The following SMKR1 variants were observed in gnomAD, a reference collection of about 807,000 sequenced individuals.
The protein encoded by SMKR1 is small lysine rich protein 1, also known as small lysine-rich protein 1.
A neutral mutation model predicts 4.0 loss-of-function variants in SMKR1; 4 were observed. The observed-to-expected ratio is 1.00, with a 90% CI of 0.49 to 2.30. SMKR1 has a LOEUF of 2.30. Ranked by LOEUF, SMKR1 falls within the 30% of genes most tolerant of loss-of-function variation. SMKR1 has a pLI of 0.02. For missense variants in SMKR1, 56 were observed against 81.8 expected, an observed-to-expected ratio of 0.68 and a Z score of 1.22; for synonymous variants, 38 against 32.5, an observed-to-expected ratio of 1.17 and a Z score of -0.58.
chr7:129,502,965 C>T, intron 1 of SMKR1, 138 bp downstream of exon 1: 1 of 1,274,360 alleles, frequency 7.8e-7, no homozygotes, highest in Non-Finnish European at 1.1e-6. Context: ...GATGGAGGGA[C>T]AAGGGGTGCC....
chr7:129,512,248 C>A lies in SMKR1; in HGVS notation c.5C>A (p.Pro2Gln). 1 of 1,501,908 alleles carries A rather than the reference C, an allele frequency of 6.7e-7. No individual in the cohort carries two copies. The highest frequency in any genetic ancestry group is 1.3e-5 in the South Asian group (1 of 78,094). The allele number at this position is 1,501,908 out of a possible 1,614,324, so 93.0% of individuals were successfully genotyped here. The change falls in exon 2 of 2, where the codon CCA becomes CAA. Residue 2 changes from proline (P) to glutamine (Q), a missense_variant and splice_region_variant. Transcript: ENST00000462322. MPAKGKKGKGQG... is the reference protein window; with the variant it reads MQAKGKKGKGQG... ...CATATTTATATTTGTCTTTGAAAGC[C>A]AGCTAAAGGGAAAAAAGGAAAAGGC...
At chr7:129,505,463 CTTTCTT>C (rs1031515505) in intron 1 of SMKR1, among the ~76,000 whole-genome samples, 4 of 151,234 alleles carry the variant, frequency 2.6e-5, no homozygotes, top group Non-Finnish European at 5.9e-5. Context: ...TCAGGGAGGT[CTTTCTT>C]TTTCTCTTTT....
intron 1 of SMKR1, 53 bp downstream of exon 1, chr7:129,502,880 C>T: frequency 1.3e-6 from 2 of 1,533,476 alleles, no homozygotes; most frequent in Non-Finnish European, 1.7e-6. Flanking sequence ...CCGTGGAGCC[C>T]CAGGCTGTCC....
At chr7:129,506,559 A>G (rs1033866592) in intron 1 of SMKR1, among the ~76,000 whole-genome samples, 1 of 151,754 alleles carries the variant, frequency 6.6e-6, no homozygotes, top group Non-Finnish European at 1.5e-5. Context: ...TTTGTAATCC[A>G]CCTTTCTCTC....
At position 129,512,910 on chromosome 7, in the gene SMKR1, T is replaced by G. The variant is rs1396464776; in HGVS notation, c.*469T>G. 6.6e-6 allele frequency: 1 copy of G among 152,204 alleles called. No individual in the cohort carries two copies. Among genetic ancestry groups the G allele is most frequent in the Non-Finnish European group, 1.5e-5 (1 of 68,248 alleles). The allele number at this position is 152,204 out of a possible 1,614,324, so 9.4% of individuals were successfully genotyped here. On this transcript the variant is annotated 3_prime_UTR_variant, in exon 2 of 2. Coordinates refer to ENST00000462322, the MANE Select transcript of SMKR1 (RefSeq NM_001195243.2). ...TTAATGGAAAATAATAAATACTTTG[T>G]TTCTATAATTTTCTTCTCAGCAGTC...
At chr7:129,511,539 T>C (rs1248838744) in intron 1 of SMKR1, among the ~76,000 whole-genome samples, 1 of 152,202 alleles carries the variant, frequency 6.6e-6, no homozygotes, top group African/African-American at 2.4e-5. Flanking sequence ...CAGATTTCCC[T>C]GATTAACTCA....
intron 1 of SMKR1, among the ~76,000 whole-genome samples, chr7:129,509,729 C>A (rs191549216): frequency 1.3e-5 from 2 of 152,016 alleles, no homozygotes; most frequent in African/African-American, 2.4e-5. Flanking sequence ...TTAGTAGAGA[C>A]GGGGTTTCAC....
Position 129,502,628 on chromosome 7 carries a change from G to A in SMKR1, c.-197G>A. 1.4e-6 allele frequency: 1 copy of A among 739,736 alleles called. No homozygotes were observed. The highest frequency in any genetic ancestry group is 2.0e-6 in the Non-Finnish European group (1 of 496,398). The allele number at this position is 739,736 out of a possible 1,614,324, so 45.8% of individuals were successfully genotyped here. On this transcript the variant is annotated 5_prime_UTR_variant, in exon 1 of 2. Coordinates refer to ENST00000462322, the MANE Select transcript of SMKR1 (RefSeq NM_001195243.2). The stretch of plus-strand genomic sequence containing the variant: ...GCGGCTCCGCGGCTGGCTGCCTCCC[G>A]AGCCGGCCGCGCTCCTCCCAGCGAG...
At chr7:129,505,731 C>G (rs1294523919) in intron 1 of SMKR1, among the ~76,000 whole-genome samples, 1 of 152,164 alleles carries the variant, frequency 6.6e-6, no homozygotes, top group Non-Finnish European at 1.5e-5. Context: ...ATCCACCGGC[C>G]TCGGCCTCCC....
At chr7:129,507,173 G>A (rs1799476919) in intron 1 of SMKR1, among the ~76,000 whole-genome samples, 1 of 151,934 alleles carries the variant, frequency 6.6e-6, no homozygotes, top group Admixed American at 6.6e-5. Flanking sequence ...CCACCACCAT[G>A]CCCAGCTAAT....
intron 1 of SMKR1, among the ~76,000 whole-genome samples, chr7:129,505,869 C>G (rs996845412): frequency 1.3e-5 from 2 of 152,110 alleles, no homozygotes; most frequent in African/African-American, 4.8e-5. Flanking sequence ...AGAAGGTCTG[C>G]AGGAAGAGCA....
At chr7:129,509,964 A>G (rs1799509991) in intron 1 of SMKR1, among the ~76,000 whole-genome samples, 1 of 152,168 alleles carries the variant, frequency 6.6e-6, no homozygotes, top group African/African-American at 2.4e-5. Context: ...GTGTCCTTGA[A>G]CGTTTATACC....
At chr7:129,510,777 A>C (rs920642759) in intron 1 of SMKR1, among the ~76,000 whole-genome samples, 1 of 151,950 alleles carries the variant, frequency 6.6e-6, no homozygotes, top group African/African-American at 2.4e-5. Flanking sequence ...TATTTGTCTC[A>C]CATCAGACAT....
chr7:129,505,485 T>TC (rs1365496328), intron 1 of SMKR1, among the ~76,000 whole-genome samples: 3 of 148,644 alleles, frequency 2.0e-5, no homozygotes, highest in Non-Finnish European at 3.0e-5. Context: ...CTTTTTCTCT[T>TC]TTTTTTTTTT....
At chr7:129,505,262 G>C (rs74931256) in intron 1 of SMKR1, among the ~76,000 whole-genome samples, 4,191 of 152,232 alleles carry the variant, frequency 0.028, 190 homozygotes, top group African/African-American at 0.096. Context: ...GTGAAAAGTG[G>C]TGCGGGGAAG....
chr7:129,512,132 C>A, intron 1 of SMKR1, 115 bp from the exon 2 acceptor site: 1 of 1,050,364 alleles, frequency 9.5e-7, no homozygotes, highest in Non-Finnish European at 1.3e-6. Flanking sequence ...TGTAGTGAGC[C>A]AAGAGCATGT....
rs193264870 is a variant in SMKR1 at position 129,509,492 on chromosome 7, C to T, written c.4-2755C>T. The stretch of plus-strand genomic sequence containing the variant: ...GCAAGATACGTCTCATCTTCATTCC[C>T]GGGTTTTGTATCTAGGAATGTACTC... On this transcript the variant is annotated intron_variant, in intron 1 of 1. Coordinates refer to ENST00000462322, the MANE Select transcript of SMKR1 (RefSeq NM_001195243.2). Among the ~76,000 whole-genome samples the T allele has an allele frequency of 3.6e-3, 548 of 152,086 alleles. 1 individual carries two copies. The highest frequency in any genetic ancestry group is 6.4e-3 in the Non-Finnish European group (437 of 68,000).
chr7:129,508,944 C>T (rs941782210), intron 1 of SMKR1, among the ~76,000 whole-genome samples: 2 of 152,138 alleles, frequency 1.3e-5, no homozygotes, highest in Admixed American at 1.3e-4. Flanking sequence ...TTTTAGGTCC[C>T]AAACCATTTT....
intron 1 of SMKR1, among the ~76,000 whole-genome samples, chr7:129,505,213 A>C (rs1799452395): frequency 6.6e-6 from 1 of 152,188 alleles, no homozygotes; most frequent in Non-Finnish European, 1.5e-5. Flanking sequence ...CTGGTGAGGG[A>C]AACAAACAAT....
Sources: gnomAD v4.1 joint callset for allele counts (sites outside exome capture counted in the v4.1 genomes callset) on GRCh38, gnomAD v4.1.1 for gene constraint, MANE v1.5 for transcripts, NCBI Gene and HGNC (gene_info 2026-07-23, HGNC 2026-07-21) for gene names.